MARCHF1: variants seen among roughly 807,000 people sequenced by gnomAD.
MARCHF1 encodes E3 ubiquitin-protein ligase MARCHF1.
MARCHF1 carries 40 observed loss-of-function variants against 54.2 expected under a neutral mutation model. That is an observed-to-expected ratio of 0.74 (90% CI 0.57 to 0.96). The LOEUF is 0.96. Ranked by LOEUF, MARCHF1 falls within the 40% of genes least tolerant of loss-of-function variation. MARCHF1 has a pLI of 0.00. For missense variants in MARCHF1, 586 were observed against 656.5 expected, an observed-to-expected ratio of 0.89 and a Z score of 1.17; for synonymous variants, 236 against 236.3, an observed-to-expected ratio of 1.00 and a Z score of 0.01.
At chr4:163,930,045 T>C (rs1188970217) in intron 3 of MARCHF1, among the ~76,000 whole-genome samples, 3 of 141,640 alleles carry the variant, frequency 2.1e-5, no homozygotes, top group East Asian at 3.9e-4. Context: ...AGCTAATTTG[T>C]TGTCTCAGGC....
At chr4:164,380,078 G>T (rs1731324640) in intron 1 of MARCHF1, among the ~76,000 whole-genome samples, 1 of 151,048 alleles carries the variant, frequency 6.6e-6, no homozygotes, top group Non-Finnish European at 1.5e-5. Context: ...TGAATTTGTT[G>T]CCAGCACACT....
intron 1 of MARCHF1, among the ~76,000 whole-genome samples, chr4:164,241,222 C>G (rs181099827): frequency 2.0e-5 from 3 of 152,222 alleles, no homozygotes; most frequent in African/African-American, 4.8e-5. Flanking sequence ...CATCCCCAAC[C>G]AATCAGCAGT....
At chr4:163,620,342 A>G (rs1446911841) in intron 5 of MARCHF1, among the ~76,000 whole-genome samples, 1 of 152,178 alleles carries the variant, frequency 6.6e-6, no homozygotes, top group African/African-American at 2.4e-5. Flanking sequence ...TTATTTGGAG[A>G]GAAATTTGAT....
intron 2 of MARCHF1, among the ~76,000 whole-genome samples, chr4:164,062,210 T>C (rs978786505): frequency 5.3e-5 from 8 of 152,194 alleles, no homozygotes; most frequent in Admixed American, 5.2e-4. Flanking sequence ...TATCATGAGA[T>C]TGCAGTAATT....
intron 2 of MARCHF1, among the ~76,000 whole-genome samples, chr4:164,081,865 A>G (rs987253782): frequency 1.6e-4 from 25 of 152,310 alleles, no homozygotes; most frequent in Admixed American, 1.4e-3. Flanking sequence ...CACTTTATCC[A>G]GGACTCCACT....
At chr4:163,618,164 C>T (rs1236241107) in intron 5 of MARCHF1, among the ~76,000 whole-genome samples, 1 of 152,130 alleles carries the variant, frequency 6.6e-6, no homozygotes. Context: ...GTACATGTTC[C>T]GCTTGCTGGT....
At chr4:164,072,663 C>G (rs139504348) in intron 2 of MARCHF1, among the ~76,000 whole-genome samples, 2 of 140,040 alleles carry the variant, frequency 1.4e-5, no homozygotes, top group Non-Finnish European at 1.5e-5. Flanking sequence ...ATCCCCTTTT[C>G]AAAAATGAGA....
chr4:163,916,404 C>T (rs1751307500), intron 3 of MARCHF1, among the ~76,000 whole-genome samples: 1 of 96,660 alleles, frequency 1.0e-5, no homozygotes, highest in Non-Finnish European at 2.0e-5. Context: ...TTCTAAGAAT[C>T]ATGGCAGGTC....
intron 1 of MARCHF1, among the ~76,000 whole-genome samples, chr4:164,373,352 C>T (rs34910897): frequency 5.5e-5 from 5 of 91,616 alleles, no homozygotes; most frequent in South Asian, 4.4e-4. Context: ...TGAAAAACTA[C>T]TTTTTTTTTT....
At chr4:164,199,217 C>A (rs936085977) in intron 1 of MARCHF1, among the ~76,000 whole-genome samples, 3 of 152,128 alleles carry the variant, frequency 2.0e-5, no homozygotes, top group Admixed American at 2.0e-4. Flanking sequence ...TTCTGTACAC[C>A]CTTACTGCCA....
At chr4:163,872,748 A>G (rs1367400288) in intron 3 of MARCHF1, among the ~76,000 whole-genome samples, 1 of 152,174 alleles carries the variant, frequency 6.6e-6, no homozygotes, top group Non-Finnish European at 1.5e-5. Flanking sequence ...TAAAGATAAT[A>G]AAAATGATGA....
At chr4:163,623,849 C>T (rs996788657) in intron 5 of MARCHF1, among the ~76,000 whole-genome samples, 2 of 152,108 alleles carry the variant, frequency 1.3e-5, no homozygotes, top group Non-Finnish European at 2.9e-5. Context: ...CACCAACATC[C>T]TTGTCACAAG....
Position 163,695,445 on chromosome 4 carries a change from G to A in MARCHF1, c.162+5368C>T, listed in dbSNP as rs190248469. Among the ~76,000 whole-genome samples the A allele has an allele frequency of 2.0e-3, 304 of 152,230 alleles. 3 individuals carry two copies. The highest frequency in any genetic ancestry group is 7.0e-3 in the African/African-American group (289 of 41,560). ...ATCCCATGCATCTTTATTTATTGCA[G>A]AATTAACTGGTGTGCACATTTTATA... is the stretch of plus-strand genomic sequence containing the variant. On this transcript the variant is annotated intron_variant, in intron 5 of 9. Transcript: ENST00000514618.
chr4:164,217,933 A>C (rs1030424221), intron 1 of MARCHF1, among the ~76,000 whole-genome samples: 3 of 152,096 alleles, frequency 2.0e-5, no homozygotes, highest in African/African-American at 7.2e-5. Flanking sequence ...AAAAACAAAC[A>C]ATTTCAAAAA....
intron 1 of MARCHF1, among the ~76,000 whole-genome samples, chr4:164,201,252 G>A (rs894322834): frequency 3.9e-5 from 6 of 152,022 alleles, no homozygotes; most frequent in South Asian, 2.1e-4. Flanking sequence ...ATGGAGTCTC[G>A]CTCTGTTGCC....
intron 1 of MARCHF1, among the ~76,000 whole-genome samples, chr4:164,256,423 C>T (rs1466363467): frequency 3.4e-5 from 2 of 58,008 alleles, no homozygotes; most frequent in African/African-American, 1.4e-4. Flanking sequence ...ACTTGTAGCA[C>T]AAGAAGCTTA....
chr4:163,664,020 A>G (rs1018946824), intron 5 of MARCHF1, among the ~76,000 whole-genome samples: 3 of 152,024 alleles, frequency 2.0e-5, no homozygotes, highest in African/African-American at 7.2e-5. Context: ...GCATTGTCTA[A>G]CTGGAGGTTG....
chr4:164,367,119 T>C (rs1730901042), intron 1 of MARCHF1, among the ~76,000 whole-genome samples: 1 of 152,106 alleles, frequency 6.6e-6, no homozygotes, highest in South Asian at 2.1e-4. Flanking sequence ...ACAGAAACCA[T>C]TGCCATACAA....
chr4:163,922,132 G>A (rs1406114692), intron 3 of MARCHF1, among the ~76,000 whole-genome samples: 4 of 150,078 alleles, frequency 2.7e-5, no homozygotes, highest in South Asian at 2.1e-4. Context: ...ACCAAACACC[G>A]CATGTCCTCA....
Sources: allele counts gnomAD v4.1 joint callset (sites outside exome capture counted in the v4.1 genomes callset), GRCh38; gene constraint gnomAD v4.1.1; transcripts MANE v1.5; gene names NCBI Gene and HGNC (gene_info 2026-07-23, HGNC 2026-07-21).